The following CAMTA1 variants were observed in gnomAD, a reference collection of about 807,000 sequenced individuals.
CAMTA1 encodes calmodulin-binding transcription activator 1.
A neutral mutation model predicts 170.9 loss-of-function variants in CAMTA1; 27 were observed. The ratio of observed to expected loss-of-function variants is 0.16; its 90% CI spans 0.12 to 0.22. The LOEUF (loss-of-function observed/expected upper bound fraction) is 0.22, where lower values mean the gene tolerates loss of function less well. CAMTA1 is among the 10% of genes least tolerant of loss of function. The pLI, the probability that CAMTA1 is intolerant of heterozygous loss-of-function variation, is 1.00. For missense variants in CAMTA1, 1,619 were observed against 2,217.2 expected (o/e 0.73, Z 5.42); for synonymous variants, 833 against 891.5 (o/e 0.93, Z 1.17).
chr1:7,366,082 A>G (rs1385597984), intron 5 of CAMTA1, among the ~76,000 whole-genome samples: 1 of 152,178 alleles, frequency 6.6e-6, no homozygotes, highest in Non-Finnish European at 1.5e-5. Flanking sequence ...TGTGACCCCA[A>G]TGTACTTGGC....
At chr1:7,462,762 C>T (rs1233158761) in intron 5 of CAMTA1, among the ~76,000 whole-genome samples, 4 of 152,164 alleles carry the variant, frequency 2.6e-5, no homozygotes, top group African/African-American at 4.8e-5. Flanking sequence ...TAGTAACCCC[C>T]GAGGCCACCC....
At position 7,093,937 on chromosome 1, in the gene CAMTA1, T is replaced by C. The variant is rs1474452045; in HGVS notation, c.302+2566T>C. Among the ~76,000 whole-genome samples, 1 of 152,192 alleles carries C rather than the reference T, an allele frequency of 6.6e-6. No individual in the cohort carries two copies. Among genetic ancestry groups the C allele is most frequent in the African/African-American group, 2.4e-5 (1 of 41,458 alleles). On this transcript the variant is annotated intron_variant, in intron 4 of 22. Transcript: ENST00000303635. This position sits in a 1 kb window ranked among gnomAD's most constrained non-coding sequence, Gnocchi z 4.6. ...CACCCTTGCTGGGTCACGATGAGGA[T>C]TGAATGTGGTCACGTTTCTGATTCT...
At position 7,463,313 on chromosome 1, in the gene CAMTA1, G is replaced by A. The variant is rs141015338; in HGVS notation, c.439-4517G>A. On this transcript the variant is annotated intron_variant, in intron 5 of 22. Coordinates refer to ENST00000303635, the MANE Select transcript of CAMTA1 (RefSeq NM_015215.4). The surrounding 1 kb of genome is among the most constrained non-coding windows in gnomAD (Gnocchi z 4.7). ...TGTGTGTGTGTCAGACACAGAGACAGGGACAGGCAAGGGAAACAGAGACAG... is the reference window on the plus strand; with the variant it reads ...TGTGTGTGTGTCAGACACAGAGACAAGGACAGGCAAGGGAAACAGAGACAG... Among the ~76,000 whole-genome samples, 889 of 152,270 alleles carry A rather than the reference G, an allele frequency of 5.8e-3. 9 individuals carry two copies. Among genetic ancestry groups the A allele is most frequent in the African/African-American group, 0.02 (843 of 41,556 alleles).
rs930656591 is a variant in CAMTA1, at chr1:7,664,242, C to T, written c.1695C>T (p.Gly565=). 11 of 1,612,578 alleles carry T rather than the reference C, an allele frequency of 6.8e-6. No individual in the cohort carries two copies. The highest frequency in any genetic ancestry group is 7.6e-6 in the Non-Finnish European group (9 of 1,179,960). The change falls in exon 9 of 23, where the codon GGC becomes GGT. Residue 565 remains glycine, a synonymous_variant. Coordinates refer to ENST00000303635, the MANE Select transcript of CAMTA1 (RefSeq NM_015215.4). ...CCAGCTCCCTCACCCTGACCGCCGGCTCCAGCCTCCTGCCGTCGGGCGGCG... is the reference window on the plus strand; with the variant it reads ...CCAGCTCCCTCACCCTGACCGCCGGTTCCAGCCTCCTGCCGTCGGGCGGCG... ...VAASSLTLTA[G]SSLLPSGGGL... is the part of the protein sequence containing the mutation.
chr1:7,110,282 C>T (rs1049099264), intron 4 of CAMTA1, among the ~76,000 whole-genome samples: 4 of 151,268 alleles, frequency 2.6e-5, no homozygotes, highest in Non-Finnish European at 5.9e-5. Flanking sequence ...CCCTTCCCCC[C>T]TTTTTTTTTA....
chr1:6,961,220 C>T (rs1425687753), intron 3 of CAMTA1, among the ~76,000 whole-genome samples: 5 of 152,166 alleles, frequency 3.3e-5, no homozygotes, highest in African/African-American at 9.7e-5. Flanking sequence ...CCGTGGAAAC[C>T]AACTCTAGCT....
At chr1:6,861,612 T>C (rs1250381661) in intron 3 of CAMTA1, among the ~76,000 whole-genome samples, 2 of 152,184 alleles carry the variant, frequency 1.3e-5, no homozygotes, top group Non-Finnish European at 2.9e-5. Flanking sequence ...GGGAAGTGTT[T>C]AGGAAGTGCT....
intron 2 of CAMTA1, 53 bp from the exon 3 acceptor site, chr1:6,825,038 TA>T: frequency 1.0e-5 from 11 of 1,101,210 alleles, no homozygotes; most frequent in Non-Finnish European, 1.5e-5. Flanking sequence ...CAGTGTACTT[TA>T]AAGGAGATTT....
rs1023719285 is a variant in CAMTA1, at chr1:7,680,783, A to G, written c.2914+3050A>G. On this transcript the variant is annotated intron_variant, in intron 11 of 22. Coordinates refer to ENST00000303635, the MANE Select transcript of CAMTA1 (RefSeq NM_015215.4). This position sits in a 1 kb window ranked among gnomAD's most constrained non-coding sequence, Gnocchi z 4.4. ...TGTCTGCCCTCATTTGATCTAAAAC[A>G]TGAATTTGTTTGCTTGGCTAAAGGC... 7.0e-6 allele frequency among the ~76,000 whole-genome samples: 1 copy of G among 142,410 alleles called. No homozygotes were observed. Among genetic ancestry groups the G allele is most frequent in the African/African-American group, 2.6e-5 (1 of 38,428 alleles). 93.4% of individuals were successfully genotyped at this position (142,410 alleles called of 152,430 possible).
chr1:7,028,513 C>A (rs1702314153), intron 3 of CAMTA1, among the ~76,000 whole-genome samples: 1 of 152,158 alleles, frequency 6.6e-6, no homozygotes, highest in African/African-American at 2.4e-5. Context: ...ATTTGATTTC[C>A]TGCATGTTCT....
At chr1:6,891,939 G>A (rs1422841393) in intron 3 of CAMTA1, among the ~76,000 whole-genome samples, 1 of 152,158 alleles carries the variant, frequency 6.6e-6, no homozygotes. Flanking sequence ...ATGTTGTAAG[G>A]GAGGCCAAGG....
intron 5 of CAMTA1, among the ~76,000 whole-genome samples, chr1:7,418,820 CA>C (rs2091369266): frequency 6.6e-6 from 1 of 152,218 alleles, no homozygotes; most frequent in Non-Finnish European, 1.5e-5. Flanking sequence ...TGCCCACCTC[CA>C]CCCCACTCAG....
intron 5 of CAMTA1, among the ~76,000 whole-genome samples, chr1:7,275,281 T>A (rs941347533): frequency 1.1e-4 from 16 of 152,060 alleles, no homozygotes; most frequent in Non-Finnish European, 2.9e-5. Context: ...TACACTATAT[T>A]TACATTAAAA....
chr1:7,485,693 C>G (rs1204754), intron 6 of CAMTA1, among the ~76,000 whole-genome samples: 54,129 of 152,090 alleles, frequency 0.36, 10,368 homozygotes, highest in Middle Eastern at 0.51. Context: ...CGAGGCAGGA[C>G]TTCAGAAACC....
chr1:7,017,253 C>T (rs1027167790), intron 3 of CAMTA1, among the ~76,000 whole-genome samples: 1 of 152,188 alleles, frequency 6.6e-6, no homozygotes, highest in African/African-American at 2.4e-5. Context: ...TGTGATCTTG[C>T]TTAAGTTGCT....
intron 11 of CAMTA1, among the ~76,000 whole-genome samples, chr1:7,691,538 G>A (rs1186567372): frequency 1.3e-5 from 2 of 152,154 alleles, no homozygotes; most frequent in Non-Finnish European, 2.9e-5. Context: ...TGGCAGTTCT[G>A]GGGGCACAGG....
chr1:7,506,816 C>G (rs965012442), intron 6 of CAMTA1, among the ~76,000 whole-genome samples: 3 of 151,934 alleles, frequency 2.0e-5, no homozygotes, highest in Admixed American at 2.0e-4. Context: ...AACATGCTCA[C>G]ACAGAACTAC....
intron 3 of CAMTA1, among the ~76,000 whole-genome samples, chr1:7,000,654 CT>C (rs1698089390): frequency 6.6e-6 from 1 of 152,210 alleles, no homozygotes; most frequent in African/African-American, 2.4e-5. Flanking sequence ...TTGGCTCTGA[CT>C]TTGGGTGCTT....
Position 7,737,326 on chromosome 1 carries a change from G to T in CAMTA1, c.3414G>T (p.Ser1138=), listed in dbSNP as rs756637047. Residue 1138 remains serine, a synonymous_variant, in exon 15 of 23, where the codon TCG becomes TCT. Coordinates refer to ENST00000303635, the MANE Select transcript of CAMTA1 (RefSeq NM_015215.4). ...ACAAGTGGGACCGTCGGGCCATCTCGATTCCCGACTCTCTAGGAAGGCTGC... is the reference window on the plus strand; with the variant it reads ...ACAAGTGGGACCGTCGGGCCATCTCTATTCCCGACTCTCTAGGAAGGCTGC... The part of the protein sequence containing the change: ...VLYKWDRRAI[S]IPDSLGRLPL... 2 of 1,614,178 alleles carry T rather than the reference G, an allele frequency of 1.2e-6. No individual in the cohort carries two copies. Among genetic ancestry groups the T allele is most frequent in the East Asian group, 4.5e-5 (2 of 44,880 alleles).
Sources: allele counts gnomAD v4.1 joint callset (sites outside exome capture counted in the v4.1 genomes callset), GRCh38; gene constraint gnomAD v4.1.1; non-coding constraint Gnocchi (gnomAD v3.1); transcripts MANE v1.5; gene names NCBI Gene and HGNC (gene_info 2026-07-23, HGNC 2026-07-21).